The following TSPAN11 variants were observed in gnomAD, a reference collection of about 807,000 sequenced individuals.
TSPAN11 encodes tetraspanin-11.
Under a neutral mutation model 32.9 loss-of-function variants are expected in TSPAN11, and 29 were observed. The observed-to-expected ratio is 0.88, with a 90% CI of 0.66 to 1.20. The LOEUF (loss-of-function observed/expected upper bound fraction) is 1.20. Among genes scored for constraint, TSPAN11 ranks in the 50% most tolerant of loss-of-function variants. The pLI is 0.00. For missense variants in TSPAN11, 283 were observed against 329.1 expected (o/e 0.86, Z 1.08); for synonymous variants, 140 against 141.3 (o/e 0.99, Z 0.07).
intron 3 of TSPAN11, 24 bp from the exon 4 acceptor site, chr12:30,978,537 A>G: frequency 4.3e-6 from 7 of 1,613,096 alleles, no homozygotes; most frequent in Non-Finnish European, 5.9e-6. Context: ...CCCAGTGGTG[A>G]CCGTCCTCTC....
chr12:30,977,355 A>G (rs1419688150), intron 3 of TSPAN11, among the ~76,000 whole-genome samples: 3 of 152,146 alleles, frequency 2.0e-5, no homozygotes, highest in Non-Finnish European at 4.4e-5. Context: ...GGTGAGCCCT[A>G]GAGTCTCAGT....
At chr12:30,955,622 T>C (rs369678991) in intron 2 of TSPAN11, among the ~76,000 whole-genome samples, 134 of 152,270 alleles carry the variant, frequency 8.8e-4, no homozygotes, top group African/African-American at 3.1e-3. Flanking sequence ...AAGTCAAAAA[T>C]CAAGGTGTCA....
chr12:31,010,557 T>C, the TSPAN11 span, among the ~76,000 whole-genome samples: 1 of 152,070 alleles, frequency 6.6e-6, no homozygotes, highest in Non-Finnish European at 1.5e-5. Flanking sequence ...TTAGGGAGGC[T>C]GAGGCAGGAG....
downstream of TSPAN11, among the ~76,000 whole-genome samples, chr12:31,001,107 G>C (rs1467798409): frequency 6.6e-6 from 1 of 152,074 alleles, no homozygotes; most frequent in South Asian, 2.1e-4. Flanking sequence ...CTTTCTAAAG[G>C]CCAGATCTGA....
downstream of TSPAN11, among the ~76,000 whole-genome samples, chr12:30,998,482 T>C (rs1468236204): frequency 3.3e-5 from 5 of 152,238 alleles, no homozygotes; most frequent in African/African-American, 1.2e-4. Flanking sequence ...ATTTTCTTCT[T>C]AAAAGCAAAT....
chr12:31,002,846 G>A, the TSPAN11 span, among the ~76,000 whole-genome samples: 1 of 152,104 alleles, frequency 6.6e-6, no homozygotes, highest in Non-Finnish European at 1.5e-5. This position sits in a 1 kb window ranked among gnomAD's most constrained non-coding sequence, Gnocchi z 4.8. Flanking sequence ...AGGTTCTAGG[G>A]CAGGGCAGCA....
intron 1 of TSPAN11, among the ~76,000 whole-genome samples, chr12:30,946,207 A>G (rs886750805): frequency 3.3e-5 from 5 of 152,204 alleles, no homozygotes; most frequent in African/African-American, 1.2e-4. Flanking sequence ...CCATATTCCA[A>G]GAAATCCCCC....
At position 30,991,956 on chromosome 12, in the gene TSPAN11, A is replaced by C; in HGVS notation, c.*41A>C. ...TCTTCCAACTGCCCCTCAAGACAAC[A>C]TGTGGCCACATGCCATCTGCAAGGC... is the stretch of plus-strand genomic sequence containing the variant. On this transcript the variant is annotated 3_prime_UTR_variant, in exon 8 of 8. Coordinates refer to ENST00000546076, the MANE Select transcript of TSPAN11 (RefSeq NM_001370302.1). The C allele has an allele frequency of 1.2e-6, 2 of 1,608,364 alleles. No homozygotes were observed. The highest frequency in any genetic ancestry group is 1.7e-6 in the Non-Finnish European group (2 of 1,174,884).
At chr12:30,937,742 C>T (rs767349335) in intron 1 of TSPAN11, among the ~76,000 whole-genome samples, 31 of 152,172 alleles carry the variant, frequency 2.0e-4, no homozygotes, top group Non-Finnish European at 3.7e-4. Flanking sequence ...GTTAGAAATG[C>T]AGAGTCTCAG....
At chr12:30,945,823 T>C (rs1938254829) in intron 1 of TSPAN11, among the ~76,000 whole-genome samples, 1 of 152,006 alleles carries the variant, frequency 6.6e-6, no homozygotes. Context: ...TGTCGTATGG[T>C]GTGGGTCCTG....
intron 1 of TSPAN11, among the ~76,000 whole-genome samples, chr12:30,927,926 C>T (rs1367966477): frequency 6.6e-6 from 1 of 152,128 alleles, no homozygotes; most frequent in Non-Finnish European, 1.5e-5. Context: ...CAATTAATGC[C>T]TGGAAATGCT....
At chr12:30,962,750 A>T (rs1274032423) in intron 2 of TSPAN11, among the ~76,000 whole-genome samples, 2 of 152,144 alleles carry the variant, frequency 1.3e-5, no homozygotes, top group Non-Finnish European at 2.9e-5. Context: ...TAGAGAAAAG[A>T]GACCCATCCT....
intron 5 of TSPAN11, 118 bp downstream of exon 5, chr12:30,979,788 C>A: frequency 1.0e-6 from 1 of 969,428 alleles, no homozygotes; most frequent in South Asian, 1.6e-5. Flanking sequence ...CTTCAAATGT[C>A]ACATCCTTAA....
At chr12:30,966,051 G>A (rs1042119425) in intron 3 of TSPAN11, among the ~76,000 whole-genome samples, 4 of 149,836 alleles carry the variant, frequency 2.7e-5, no homozygotes, top group African/African-American at 9.9e-5. Flanking sequence ...ATCAGCTGTC[G>A]TTACTGTGTT....
chr12:30,927,344 T>C (rs529165203), intron 1 of TSPAN11, among the ~76,000 whole-genome samples: 1 of 152,310 alleles, frequency 6.6e-6, no homozygotes, highest in South Asian at 2.1e-4. Context: ...TTCGTGCCCA[T>C]CCCTGCATGT....
At chr12:31,013,642 T>C in the TSPAN11 span, among the ~76,000 whole-genome samples, 1 of 132,318 alleles carries the variant, frequency 7.6e-6, no homozygotes, top group African/African-American at 2.6e-5. Flanking sequence ...GCATCCCAGG[T>C]AAAAGAAACA....
intron 1 of TSPAN11, among the ~76,000 whole-genome samples, chr12:30,940,032 G>A (rs2075365): frequency 0.5 from 76,264 of 152,116 alleles, 22,222 homozygotes; most frequent in Non-Finnish European, 0.67. Flanking sequence ...AGAAAAAGAC[G>A]GGAAATCCCT....
intron 7 of TSPAN11, chr12:30,986,916 C>T (rs1026840728): frequency 1.3e-5 from 2 of 152,156 alleles, no homozygotes; most frequent in Non-Finnish European, 2.9e-5. Context: ...CAGCCTCAGA[C>T]CTGTCTCTTC....
In TSPAN11 at chr12:30,926,827, G is replaced by A. The variant is rs1201899420; in HGVS notation, c.-12+31G>A. The A allele has an allele frequency of 8.0e-6, 6 of 747,848 alleles. No homozygotes were observed. The South Asian group carries it at 9.2e-5, about 11-fold the overall frequency. 46.3% of individuals were successfully genotyped at this position (747,848 alleles called of 1,614,324 possible). A position where few individuals can be genotyped will look rare whatever the true frequency, so the allele number is the denominator to read the frequency against. ...TGCAGAAGCGCGCCCGAGGAGTGGG[G>A]GCGCCGCGGGAGGGGGCTGGGGGTC... On this transcript the variant is annotated intron_variant, in intron 1 of 7. Coordinates refer to ENST00000546076, the MANE Select transcript of TSPAN11 (RefSeq NM_001370302.1).
Sources: gnomAD v4.1 joint callset for allele counts (sites outside exome capture counted in the v4.1 genomes callset) on GRCh38, gnomAD v4.1.1 for gene constraint, Gnocchi (gnomAD v3.1) non-coding constraint, MANE v1.5 for transcripts, NCBI Gene and HGNC (gene_info 2026-07-23, HGNC 2026-07-21) for gene names.